SCRG1: variants seen among roughly 807,000 people sequenced by gnomAD.
The protein encoded by SCRG1 is scrapie-responsive protein 1.
SCRG1 carries 3 observed loss-of-function variants against 7.7 expected under a neutral mutation model. The observed-to-expected ratio is 0.39, with a 90% CI of 0.18 to 1.01. The LOEUF (loss-of-function observed/expected upper bound fraction) is 1.01, where lower values mean the gene tolerates loss of function less well. SCRG1 is among the 50% of genes least tolerant of loss of function. SCRG1 has a pLI of 0.36. For synonymous variants in SCRG1, 46 were observed against 41.2 expected (o/e 1.12, Z -0.44); for missense variants, 110 against 117.2 (o/e 0.94, Z 0.28).
the SCRG1 span, among the ~76,000 whole-genome samples, chr4:173,485,807 T>TA: frequency 1.4e-4 from 22 of 151,942 alleles, no homozygotes; most frequent in Non-Finnish European, 3.2e-4. Context: ...CCGCCTCTAC[T>TA]AAAAATACAA....
At chr4:173,456,230 A>T in the SCRG1 span, among the ~76,000 whole-genome samples, 3 of 152,234 alleles carry the variant, frequency 2.0e-5, no homozygotes, top group Non-Finnish European at 4.4e-5. Context: ...CAGAATTCGA[A>T]TCTTAAGTAG....
chr4:173,425,186 T>C, the SCRG1 span, among the ~76,000 whole-genome samples: 157 of 152,284 alleles, frequency 1.0e-3, 3 homozygotes, highest in African/African-American at 3.7e-3. Flanking sequence ...TAAGTAAAAG[T>C]GCATTTTCAC....
At chr4:173,492,497 C>G in the SCRG1 span, among the ~76,000 whole-genome samples, 7 of 152,132 alleles carry the variant, frequency 4.6e-5, no homozygotes, top group East Asian at 1.4e-3. Flanking sequence ...GCATGAGGCA[C>G]CCAAGCAGGC....
chr4:173,456,778 T>C, the SCRG1 span, among the ~76,000 whole-genome samples: 1 of 151,728 alleles, frequency 6.6e-6, no homozygotes, highest in African/African-American at 2.4e-5. Flanking sequence ...GTAGAAAGAG[T>C]AGGAAAAGTT....
At chr4:173,420,761 G>A in the SCRG1 span, among the ~76,000 whole-genome samples, 1 of 152,022 alleles carries the variant, frequency 6.6e-6, no homozygotes, top group African/African-American at 2.4e-5. Context: ...GGCAGAAAGT[G>A]TTGGCTTCAA....
At chr4:173,500,367 C>G in the SCRG1 span, among the ~76,000 whole-genome samples, 1 of 152,216 alleles carries the variant, frequency 6.6e-6, no homozygotes, top group African/African-American at 2.4e-5. Flanking sequence ...GCGCCCACCC[C>G]TGTTCGCCGG....
the SCRG1 span, among the ~76,000 whole-genome samples, chr4:173,495,312 T>C: frequency 6.6e-6 from 1 of 152,240 alleles, no homozygotes; most frequent in African/African-American, 2.4e-5. Flanking sequence ...GACTATTAAT[T>C]TGAGGGCACT....
At chr4:173,502,761 GT>G in the SCRG1 span, among the ~76,000 whole-genome samples, 20 of 152,260 alleles carry the variant, frequency 1.3e-4, no homozygotes, top group East Asian at 2.9e-3. The surrounding 1 kb of genome is among the most constrained non-coding windows in gnomAD (Gnocchi z 4.6). Flanking sequence ...CAACCTGTCT[GT>G]TCCTGATCCT....
the SCRG1 span, among the ~76,000 whole-genome samples, chr4:173,438,611 A>T: frequency 6.6e-6 from 1 of 152,192 alleles, no homozygotes; most frequent in African/African-American, 2.4e-5. Context: ...GTTTCTTAAT[A>T]ACAAACATTG....
At position 173,395,346 on chromosome 4, in the gene SCRG1, C is replaced by T. The variant is rs141523990; in HGVS notation, c.-15+3722G>A. Among the ~76,000 whole-genome samples, 308 of 152,320 alleles carry T rather than the reference C, an allele frequency of 2.0e-3. 1 individual carries two copies. Among genetic ancestry groups the T allele is most frequent in the African/African-American group, 7.1e-3 (295 of 41,568 alleles). The stretch of plus-strand genomic sequence containing the variant: ...GAAAATGAATGATTTTCCAAAAACA[C>T]ATTTTTTATTCTAGGCAAGAGCCTA... On this transcript the variant is annotated intron_variant, in intron 1 of 2. Transcript: ENST00000296506.
the SCRG1 span, among the ~76,000 whole-genome samples, chr4:173,498,097 G>T: frequency 6.6e-6 from 1 of 152,134 alleles, no homozygotes; most frequent in Non-Finnish European, 1.5e-5. Context: ...TCTGAACATT[G>T]GATTTACTTA....
the SCRG1 span, among the ~76,000 whole-genome samples, chr4:173,462,350 C>G: frequency 1.6e-5 from 2 of 122,244 alleles, no homozygotes; most frequent in South Asian, 5.1e-4. Context: ...TCCGATACTT[C>G]TGGCAGCAGA....
the SCRG1 span, among the ~76,000 whole-genome samples, chr4:173,506,478 C>A: frequency 1.3e-5 from 2 of 152,142 alleles, no homozygotes; most frequent in African/African-American, 4.8e-5. The surrounding 1 kb of genome is among the most constrained non-coding windows in gnomAD (Gnocchi z 5.3). Context: ...CTCTTTGCAC[C>A]TCAATTTTCT....
chr4:173,443,226 G>A, the SCRG1 span, among the ~76,000 whole-genome samples: 547 of 152,258 alleles, frequency 3.6e-3, 3 homozygotes, highest in African/African-American at 0.013. Context: ...GTGGAAAGGA[G>A]AGAAAAATAT....
chr4:173,400,459 A>G (rs141151443), upstream of SCRG1, among the ~76,000 whole-genome samples: 30 of 152,372 alleles, frequency 2.0e-4, no homozygotes, highest in African/African-American at 6.5e-4. Context: ...CCCTAAATAC[A>G]GTTGAGAATG....
At chr4:173,407,373 T>TA (rs987911610), upstream of SCRG1, among the ~76,000 whole-genome samples, 366 of 146,554 alleles carry the variant, frequency 2.5e-3, 2 homozygotes, top group African/African-American at 7.2e-3. Flanking sequence ...AAAAATACAT[T>TA]AAAAAAAAAA....
the SCRG1 span, among the ~76,000 whole-genome samples, chr4:173,517,247 G>A: frequency 6.6e-6 from 1 of 152,182 alleles, no homozygotes; most frequent in Admixed American, 6.5e-5. Flanking sequence ...AAGGCCCTGC[G>A]GTCATCGGAG....
At chr4:173,479,623 TAGA>T in the SCRG1 span, among the ~76,000 whole-genome samples, 1 of 151,668 alleles carries the variant, frequency 6.6e-6, no homozygotes, top group Non-Finnish European at 1.5e-5. Flanking sequence ...GTATTTTTAG[TAGA>T]GACGGGGTTT....
chr4:173,421,012 C>T, the SCRG1 span, among the ~76,000 whole-genome samples: 55 of 152,264 alleles, frequency 3.6e-4, no homozygotes, highest in Non-Finnish European at 6.6e-4. Context: ...AAACAGCAGA[C>T]CACAAATCAT....
Sources: gnomAD v4.1 joint callset for allele counts (sites outside exome capture counted in the v4.1 genomes callset) on GRCh38, gnomAD v4.1.1 for gene constraint, Gnocchi (gnomAD v3.1) non-coding constraint, MANE v1.5 for transcripts, NCBI Gene and HGNC (gene_info 2026-07-23, HGNC 2026-07-21) for gene names.